CREBBP: variants seen among roughly 807,000 people sequenced by gnomAD.
The protein encoded by CREBBP is CREB binding lysine acetyltransferase, also known as CREB-binding protein.
CREBBP carries 19 observed loss-of-function variants against 265.0 expected under a neutral mutation model. The ratio of observed to expected loss-of-function variants is 0.07; its 90% confidence interval spans 0.05 to 0.11. The LOEUF is 0.11. Ranked by LOEUF, CREBBP falls within the 10% of genes least tolerant of loss-of-function variation. CREBBP has a pLI of 1.00. For missense variants in CREBBP, 2,525 were observed against 3,219.0 expected, an observed-to-expected ratio of 0.78 and a Z score of 5.22; for synonymous variants, 1,457 against 1,223.7, an observed-to-expected ratio of 1.19 and a Z score of -3.98.
intron 17 of CREBBP, 133 bp from the exon 18 acceptor site, chr16:3,758,181 T>C (rs746396729): frequency 1.9e-5 from 18 of 944,590 alleles, no homozygotes; most frequent in Admixed American, 1.0e-4. Flanking sequence ...CAGTAAGAAA[T>C]AGGAAATGAA....
At chr16:3,780,629 A>G (rs1344926178) in intron 8 of CREBBP, 103 bp downstream of exon 8, 1 of 1,269,888 alleles carries the variant, frequency 7.9e-7, no homozygotes, top group South Asian at 1.3e-5. Flanking sequence ...TCCCTAAATA[A>G]GCACGTGACT....
At chr16:3,879,683 C>A in intron 1 of CREBBP, 149 bp downstream of exon 1, 1 of 879,630 alleles carries the variant, frequency 1.1e-6, no homozygotes. Flanking sequence ...AACTTCCACC[C>A]TCCCGCGCGG....
intron 21 of CREBBP, 169 bp from the exon 22 acceptor site, chr16:3,745,523 G>A: frequency 3.0e-6 from 2 of 677,544 alleles, no homozygotes; most frequent in Non-Finnish European, 5.4e-6. Context: ...GCATCCGTAT[G>A]ATATCTTCTA....
At position 3,850,574 on chromosome 16, in the gene CREBBP, C is replaced by G. The variant is rs2141492634; in HGVS notation, c.521G>C (p.Gly174Ala). Reference protein sequence around the residue: ...SSPATSQTGPGICMNANFNQT... With the variant: ...SSPATSQTGPAICMNANFNQT... Reference sequence around the variant, plus strand: ...GTTAAAGTTAGCATTCATGCAGATACCAGGTCCAGTCTGTGACGTGGCAGG... The same window carrying G: ...GTTAAAGTTAGCATTCATGCAGATAGCAGGTCCAGTCTGTGACGTGGCAGG... Residue 174 changes from glycine (G) to alanine (A), a missense_variant, in exon 2 of 31, where the codon GGT (glycine) becomes GCT (alanine). This residue lies in a region of CREBBP where 356 missense variants were observed against 340.4 expected (regional missense o/e 1.05). Transcript: ENST00000262367. 1 of 1,614,252 alleles carries G rather than the reference C, an allele frequency of 6.2e-7. No homozygotes were observed. Among genetic ancestry groups the G allele is most frequent in the South Asian group, 1.1e-5 (1 of 91,090 alleles).
intron 2 of CREBBP, among the ~76,000 whole-genome samples, chr16:3,811,982 C>T (rs770196110): frequency 7.2e-5 from 11 of 151,962 alleles, no homozygotes; most frequent in South Asian, 2.1e-4. Flanking sequence ...AGCAGATTTT[C>T]GACTGGCAGG....
intron 5 of CREBBP, among the ~76,000 whole-genome samples, chr16:3,787,234 G>A (rs2053408589): frequency 1.3e-5 from 2 of 152,206 alleles, no homozygotes; most frequent in East Asian, 1.9e-4. Context: ...GCACTGAGGG[G>A]AACCCAGGCA....
At chr16:3,849,263 C>A (rs2141478557) in intron 2 of CREBBP, among the ~76,000 whole-genome samples, 1 of 152,170 alleles carries the variant, frequency 6.6e-6, no homozygotes, top group East Asian at 1.9e-4. Context: ...TGTCTCACAT[C>A]TATCCAGGCA....
chr16:3,814,954 C>T (rs1011275864), intron 2 of CREBBP, among the ~76,000 whole-genome samples: 2 of 152,220 alleles, frequency 1.3e-5, no homozygotes, highest in Non-Finnish European at 2.9e-5. Context: ...TATCACTGCT[C>T]ATTGCCCAGG....
chr16:3,783,004 T>C (rs532073137), intron 5 of CREBBP, 78 bp from the exon 6 acceptor site: 17 of 1,565,764 alleles, frequency 1.1e-5, no homozygotes, highest in East Asian at 2.2e-5. Context: ...TTAAAAACTA[T>C]TGAGAAGCAA....
At chr16:3,794,328 T>C (rs1402316657) in intron 3 of CREBBP, among the ~76,000 whole-genome samples, 1 of 38,262 alleles carries the variant, frequency 2.6e-5, no homozygotes, top group African/African-American at 9.1e-5. Context: ...CGAGACTCCG[T>C]CTCAAAAAAA....
intron 2 of CREBBP, among the ~76,000 whole-genome samples, chr16:3,834,721 G>A (rs1181639534): frequency 6.6e-6 from 1 of 152,150 alleles, no homozygotes; most frequent in Non-Finnish European, 1.5e-5. Context: ...GTGACAAACT[G>A]TACCATTCTA....
At chr16:3,760,744 T>C (rs1176901689) in intron 16 of CREBBP, among the ~76,000 whole-genome samples, 1 of 152,044 alleles carries the variant, frequency 6.6e-6, no homozygotes, top group Non-Finnish European at 1.5e-5. Flanking sequence ...GACAGAGTCT[T>C]GCTCCAACGC....
At chr16:3,831,522 C>T (rs920954276) in intron 2 of CREBBP, among the ~76,000 whole-genome samples, 19 of 152,100 alleles carry the variant, frequency 1.2e-4, no homozygotes, top group African/African-American at 3.9e-4. Context: ...GAAAAGCCAA[C>T]ATAAGCAGAA....
Position 3,726,616 on chromosome 16 carries a change from C to T in CREBBP, c.*1102G>A, listed in dbSNP as rs2051753936. ...TATATAAATAAATAAAAACCTTAAA[C>T]ATTCTTACAGGGATCTTAAAGAACA... On this transcript the variant is annotated 3_prime_UTR_variant, in exon 31 of 31. Coordinates refer to ENST00000262367, the MANE Select transcript of CREBBP (RefSeq NM_004380.3). 1.3e-5 allele frequency: 3 copies of T among 233,564 alleles called. No homozygotes were observed. The Admixed American group carries it at 1.7e-4, about 13-fold the overall frequency. 14.5% of individuals were successfully genotyped at this position (233,564 alleles called of 1,614,324 possible).
At chr16:3,831,817 C>A (rs758549326) in intron 2 of CREBBP, among the ~76,000 whole-genome samples, 1 of 151,870 alleles carries the variant, frequency 6.6e-6, no homozygotes, top group South Asian at 2.1e-4. Context: ...GCCAACATGG[C>A]AAAACCCCTC....
At chr16:3,775,469 C>T (rs1268672232) in intron 11 of CREBBP, among the ~76,000 whole-genome samples, 3 of 152,200 alleles carry the variant, frequency 2.0e-5, no homozygotes, top group African/African-American at 7.2e-5. Flanking sequence ...TAGAATCTGA[C>T]AGAACCCTTT....
chr16:3,787,327 C>G (rs2053410341), intron 5 of CREBBP, among the ~76,000 whole-genome samples: 1 of 152,180 alleles, frequency 6.6e-6, no homozygotes, highest in Non-Finnish European at 1.5e-5. Flanking sequence ...CCAAGTGACA[C>G]TGGCGCAGTG....
In CREBBP at chr16:3,730,632, C is replaced by T. The variant is rs529160896; in HGVS notation, c.5172+560G>A. The stretch of plus-strand genomic sequence containing the variant: ...AAGGTGGGGAGGGAAGAAAGGCCCT[C>T]GCTCTGCTGAGGACCCGCTCTGCCC... On this transcript the variant is annotated intron_variant, in intron 30 of 30. Coordinates refer to ENST00000262367, the MANE Select transcript of CREBBP (RefSeq NM_004380.3). 20 of 163,672 alleles carry T rather than the reference C, an allele frequency of 1.2e-4. 1 individual carries two copies. Among genetic ancestry groups the T allele is most frequent in the Admixed American group, 9.6e-4 (17 of 17,694 alleles). The allele number at this position is 163,672 out of a possible 1,614,324, so 10.1% of individuals were successfully genotyped here.
At chr16:3,787,829 C>T (rs1212185643) in intron 5 of CREBBP, among the ~76,000 whole-genome samples, 1 of 152,082 alleles carries the variant, frequency 6.6e-6, no homozygotes, top group Admixed American at 6.6e-5. Context: ...GCGCATGCTG[C>T]CATGCCCAGC....
Sources: gnomAD v4.1 joint callset for allele counts (sites outside exome capture counted in the v4.1 genomes callset) on GRCh38, gnomAD v4.1.1 for gene constraint, gnomAD v4.1.1 regional missense constraint, MANE v1.5 for transcripts, NCBI Gene and HGNC (gene_info 2026-07-23, HGNC 2026-07-21) for gene names.